Variants in COX15 observed in about 807,000 individuals in gnomAD.
COX15 encodes the protein cytochrome c oxidase assembly factor COX15, also known as heme A synthase COX15.
In COX15, 51 loss-of-function variants were observed where a neutral mutation model predicts 51.9. The ratio of observed to expected loss-of-function variants is 0.98; its 90% confidence interval spans 0.78 to 1.24. The LOEUF is 1.24. COX15 is among the 50% of genes most tolerant of loss of function. The probability of loss-of-function intolerance (pLI) is 0.00; values close to 1 mark genes in which losing one functional copy is unlikely to be tolerated. For missense variants in COX15, 420 were observed against 501.1 expected, an observed-to-expected ratio of 0.84 and a Z score of 1.55; for synonymous variants, 188 against 190.5, an observed-to-expected ratio of 0.99 and a Z score of 0.11.
At chr10:99,718,588 A>G in intron 6 of COX15, 88 bp from the exon 7 acceptor site, 1 of 1,356,676 alleles carries the variant, frequency 7.4e-7, no homozygotes, top group Non-Finnish European at 1.1e-6. Flanking sequence ...CTGTTATCCC[A>G]GAGTTAAACT....
chr10:99,694,813 A>C, the COX15 span, among the ~76,000 whole-genome samples: 1 of 152,224 alleles, frequency 6.6e-6, no homozygotes, highest in South Asian at 2.1e-4. Flanking sequence ...CTGGGATTAT[A>C]GGCATGAGCC....
chr10:99,725,358 A>G (rs930751288), intron 4 of COX15, among the ~76,000 whole-genome samples: 5 of 152,236 alleles, frequency 3.3e-5, no homozygotes, highest in Non-Finnish European at 7.3e-5. Context: ...TCACTAGCCC[A>G]CTTTCTTCTC....
At chr10:99,710,864 CTGAT>C (rs1312247227) in exon 9 of COX15, 4 of 985,244 alleles carry the variant, frequency 4.1e-6, no homozygotes, top group African/African-American at 7.0e-5. Flanking sequence ...TCTAGGTTGA[CTGAT>C]TAAGAAAGCC....
At chr10:99,694,934 C>T in the COX15 span, among the ~76,000 whole-genome samples, 7 of 152,116 alleles carry the variant, frequency 4.6e-5, no homozygotes, top group African/African-American at 1.7e-4. Context: ...AACAAGAATC[C>T]TCATTTTATA....
Position 99,727,044 on chromosome 10 carries a change from T to C in COX15, c.506A>G (p.Tyr169Cys), listed in dbSNP as rs201881501. 1.4e-5 allele frequency: 23 copies of C among 1,613,968 alleles called. No homozygotes were observed. The Middle Eastern group carries it at 8.2e-4, about 58-fold the overall frequency. Residue 169 changes from tyrosine to cysteine, a missense_variant, in exon 4 of 9, where the codon TAC becomes TGC. By Grantham distance (194) the Tyr-to-Cys change is radical. Coordinates refer to ENST00000016171, the MANE Select transcript of COX15 (RefSeq NM_078470.6). ...VGLVYILPAA[Y>C]FWRKGWLSRG... ...GCTGAGCCAGCCCTTTCTCCAAAAG[T>C]AGGCAGCAGGCAGGATGTACACAAG...
the COX15 span, among the ~76,000 whole-genome samples, chr10:99,699,173 A>G: frequency 1.3e-5 from 2 of 152,182 alleles, no homozygotes; most frequent in African/African-American, 2.4e-5. Context: ...TTTAATGTTT[A>G]TGCCCAAGAA....
At chr10:99,705,910 C>T (rs1316481763), downstream of COX15, 1 of 152,206 alleles carries the variant, frequency 6.6e-6, no homozygotes, top group East Asian at 1.9e-4. Flanking sequence ...AGCTTTGCTT[C>T]TCCTCCACAT....
intron 5 of COX15, among the ~76,000 whole-genome samples, chr10:99,722,539 G>C (rs1451162028): frequency 6.6e-6 from 1 of 152,088 alleles, no homozygotes; most frequent in African/African-American, 2.4e-5. Flanking sequence ...ATTCATTTTA[G>C]AAGTTTGGCT....
rs1306470229 is a variant in COX15, at chr10:99,718,291, A to C, written c.987+55T>G. ...GCCATCAGTGCTTCACTGACACCCC[A>C]AAGCCTATGATAGGCTCCTGTGCTC... On this transcript the variant is annotated intron_variant, in intron 7 of 8. Coordinates refer to ENST00000016171, the MANE Select transcript of COX15 (RefSeq NM_078470.6). The C allele has an allele frequency of 1.9e-6, 3 of 1,599,062 alleles. No homozygotes were observed. The African/African-American group carries it at 4.0e-5, about 21-fold the overall frequency.
Position 99,714,269 on chromosome 10 carries a change from C to T in COX15, c.*318G>A, listed in dbSNP as rs188062046. 2.5e-6 allele frequency: 3 copies of T among 1,190,018 alleles called. No homozygotes were observed. Among genetic ancestry groups the T allele is most frequent in the East Asian group, 5.5e-5 (1 of 18,048 alleles). The allele number at this position is 1,190,018 out of a possible 1,614,324, so 73.7% of individuals were successfully genotyped here. ...AGAACATCCACGTAGAAATCATCCA[C>T]GTAGAACCAAGAGCTTGCCAACACT... On this transcript the variant is annotated 3_prime_UTR_variant, in exon 9 of 9. Coordinates refer to ENST00000016171, the MANE Select transcript of COX15 (RefSeq NM_078470.6).
In COX15 at chr10:99,732,055, T is replaced by C; in HGVS notation, c.-6A>G. On this transcript the variant is annotated 5_prime_UTR_variant, in exon 1 of 9. Coordinates refer to ENST00000016171, the MANE Select transcript of COX15 (RefSeq NM_078470.6). ...GGAAAGAGCAATCGCTGCATACTGATGACAGGGAACAGCCACCTCTTCCAC... is the reference window on the plus strand; with the variant it reads ...GGAAAGAGCAATCGCTGCATACTGACGACAGGGAACAGCCACCTCTTCCAC... 1 of 1,611,860 alleles carries C rather than the reference T, an allele frequency of 6.2e-7. No homozygotes were observed. Among genetic ancestry groups the C allele is most frequent in the Non-Finnish European group, 8.5e-7 (1 of 1,179,158 alleles).
intron 7 of COX15, among the ~76,000 whole-genome samples, chr10:99,717,082 T>C (rs922777699): frequency 1.3e-5 from 2 of 152,202 alleles, no homozygotes; most frequent in Non-Finnish European, 2.9e-5. Context: ...GCTTTACTTA[T>C]GCTAAAATAC....
chr10:99,707,864 A>G (rs1002796420), downstream of COX15, among the ~76,000 whole-genome samples: 2 of 152,154 alleles, frequency 1.3e-5, no homozygotes, highest in Admixed American at 1.3e-4. Flanking sequence ...TTCTCTCTGT[A>G]CTTTAGCTCC....
At chr10:99,700,606 GA>G in the COX15 span, among the ~76,000 whole-genome samples, 10 of 152,188 alleles carry the variant, frequency 6.6e-5, no homozygotes, top group African/African-American at 2.4e-4. Flanking sequence ...TTACAACACC[GA>G]GGGAGGCCAA....
Position 99,727,096 on chromosome 10 carries a change from G to T in COX15, c.454C>A (p.His152Asn). The change falls in exon 4 of 9, where the codon CAC (histidine) becomes AAC (asparagine). Residue 152 changes from histidine to asparagine, a missense_variant. Coordinates refer to ENST00000016171, the MANE Select transcript of COX15 (RefSeq NM_078470.6). ...FKFIWYMEYS[H>N]RMWGRLVGLV... Reference sequence around the variant, plus strand: ...CCTACAAGGCGACCCCACATTCGGTGTGAGTACTCCATGTACCAGATGAAC... The same window carrying T: ...CCTACAAGGCGACCCCACATTCGGTTTGAGTACTCCATGTACCAGATGAAC... The T allele has an allele frequency of 6.2e-7, 1 of 1,614,204 alleles. No homozygotes were observed.
At position 99,718,339 on chromosome 10, in the gene COX15, C is replaced by T. The variant is rs1424109395; in HGVS notation, c.987+7G>A. ...CTCTCTGGCAGGTAACCACCAACTA[C>T]ACTTACCAGAATCCGGTGATCAAAC... On this transcript the variant is annotated splice_region_variant and intron_variant, in intron 7 of 8. Transcript: ENST00000016171. 1.9e-6 allele frequency: 3 copies of T among 1,614,118 alleles called. No individual in the cohort carries two copies. The highest frequency in any genetic ancestry group is 1.1e-5 in the South Asian group (1 of 91,082).
At chr10:99,705,296 G>A in the COX15 span, 1 of 154,554 alleles carries the variant, frequency 6.5e-6, no homozygotes, top group Non-Finnish European at 1.4e-5. Flanking sequence ...GATGATGTTA[G>A]TACATGATTT....
chr10:99,718,550 C>G (rs774419120), intron 6 of COX15, 50 bp from the exon 7 acceptor site: 1 of 1,582,016 alleles, frequency 6.3e-7, no homozygotes, highest in Non-Finnish European at 8.7e-7. Context: ...AAGAAGAGAC[C>G]AAATACTAGT....
At chr10:99,705,382 G>A in the COX15 span, 1 of 152,566 alleles carries the variant, frequency 6.6e-6, no homozygotes, top group Non-Finnish European at 1.5e-5. Context: ...GTATGATGAG[G>A]ATAGAAAATT....
Sources: gnomAD v4.1 joint callset for allele counts (sites outside exome capture counted in the v4.1 genomes callset) on GRCh38, gnomAD v4.1.1 for gene constraint, MANE v1.5 for transcripts, NCBI Gene and HGNC (gene_info 2026-07-23, HGNC 2026-07-21) for gene names.